The following SLC14A2 variants were observed in gnomAD, a reference collection of about 807,000 sequenced individuals.
The protein encoded by SLC14A2 is solute carrier family 14 member 2.
A neutral mutation model predicts 104.6 loss-of-function variants in SLC14A2; 91 were observed. The ratio of observed to expected loss-of-function variants is 0.87; its 90% CI spans 0.73 to 1.04. The LOEUF is 1.04. Among genes scored for constraint, SLC14A2 ranks in the 50% least tolerant of loss-of-function variants. SLC14A2 has a pLI of 0.00. For synonymous variants in SLC14A2, 476 were observed against 466.4 expected (o/e 1.02, Z -0.27); for missense variants, 1,189 against 1,156.0 (o/e 1.03, Z -0.41).
intron 1 of SLC14A2, among the ~76,000 whole-genome samples, chr18:45,369,192 C>T (rs773063850): frequency 1.1e-4 from 16 of 152,154 alleles, no homozygotes; most frequent in Non-Finnish European, 1.6e-4. Context: ...AAGGAAATTC[C>T]GCTTGATTCC....
chr18:45,219,921 C>T (rs1356217308), intron 1 of SLC14A2, among the ~76,000 whole-genome samples: 1 of 152,120 alleles, frequency 6.6e-6, no homozygotes, highest in Admixed American at 6.5e-5. Flanking sequence ...AAATAGACCA[C>T]GAAGTTATTT....
intron 1 of SLC14A2, among the ~76,000 whole-genome samples, chr18:45,391,003 T>A (rs955309321): frequency 2.6e-5 from 4 of 152,344 alleles, no homozygotes; most frequent in African/African-American, 2.4e-5. Flanking sequence ...GATGTATACA[T>A]GTGCCATGTT....
chr18:45,198,994 A>T, the SLC14A2 span, among the ~76,000 whole-genome samples: 8 of 152,146 alleles, frequency 5.3e-5, no homozygotes, highest in Non-Finnish European at 1.0e-4. Context: ...ATTATACCCT[A>T]CAGTAGTTTT....
At chr18:45,302,004 C>G (rs1284794890) in intron 1 of SLC14A2, among the ~76,000 whole-genome samples, 1 of 152,202 alleles carries the variant, frequency 6.6e-6, no homozygotes, top group African/African-American at 2.4e-5. Context: ...TGAAGTCTCA[C>G]TCCCTCTGTT....
intron 1 of SLC14A2, among the ~76,000 whole-genome samples, chr18:45,272,650 G>A (rs1057510335): frequency 5.3e-5 from 8 of 151,750 alleles, no homozygotes; most frequent in Non-Finnish European, 5.9e-5. Context: ...ATGGTTAATG[G>A]GTACAAAAAA....
intron 10 of SLC14A2, among the ~76,000 whole-genome samples, chr18:45,651,348 G>A (rs752365717): frequency 6.6e-6 from 1 of 152,146 alleles, no homozygotes; most frequent in Non-Finnish European, 1.5e-5. Flanking sequence ...ATCTCACAGG[G>A]GATGATGAAG....
intron 2 of SLC14A2, among the ~76,000 whole-genome samples, chr18:45,543,951 G>C (rs2043928675): frequency 6.6e-6 from 1 of 152,200 alleles, no homozygotes; most frequent in African/African-American, 2.4e-5. Flanking sequence ...AAGTAAAAAT[G>C]CTGGGCACTG....
intron 1 of SLC14A2, among the ~76,000 whole-genome samples, chr18:45,303,751 T>C (rs914485679): frequency 6.6e-6 from 1 of 152,248 alleles, no homozygotes; most frequent in African/African-American, 2.4e-5. Flanking sequence ...GCTACTTTTG[T>C]AAATGTGTCT....
intron 1 of SLC14A2, among the ~76,000 whole-genome samples, chr18:45,402,905 C>A (rs140363307): frequency 9.3e-4 from 141 of 152,358 alleles, no homozygotes; most frequent in African/African-American, 3.4e-3. Flanking sequence ...TGCCTGTGCA[C>A]ACTACTAGGA....
chr18:45,228,943 G>A (rs775089168), intron 1 of SLC14A2, among the ~76,000 whole-genome samples: 13 of 152,052 alleles, frequency 8.5e-5, no homozygotes, highest in South Asian at 2.1e-4. Context: ...ACATTGGCCC[G>A]GTTCCACCTC....
At chr18:45,374,103 C>T (rs909486606) in intron 1 of SLC14A2, among the ~76,000 whole-genome samples, 1 of 152,180 alleles carries the variant, frequency 6.6e-6, no homozygotes, top group African/African-American at 2.4e-5. Context: ...CCTCTCCTCA[C>T]CTTCCTACCC....
At chr18:45,173,369 G>A in the SLC14A2 span, among the ~76,000 whole-genome samples, 1 of 152,004 alleles carries the variant, frequency 6.6e-6, no homozygotes, top group Non-Finnish European at 1.5e-5. Flanking sequence ...GCTCAAGTAT[G>A]GAAATTCAGT....
chr18:45,388,881 G>A (rs944884300), intron 1 of SLC14A2, among the ~76,000 whole-genome samples: 3 of 152,140 alleles, frequency 2.0e-5, no homozygotes, highest in African/African-American at 4.8e-5. Context: ...AATGTGGATT[G>A]GCTTCTTCAA....
chr18:45,414,744 T>TAA (rs531366886), intron 1 of SLC14A2, among the ~76,000 whole-genome samples: 893 of 52,226 alleles, frequency 0.017, 59 homozygotes, highest in East Asian at 0.037. Flanking sequence ...GCACCGAGCG[T>TAA]AAAAAAAAAA....
chr18:45,533,963 A>G lies in SLC14A2; in HGVS notation c.-35+50641A>G, dbSNP rs566265504. ...CAAACATTCCAGGCCCAAGAACCCA[A>G]ATCACGAAGAATGTAGAAAGAAGAA... On this transcript the variant is annotated intron_variant, in intron 2 of 20. Transcript: ENST00000586448. Among the ~76,000 whole-genome samples the G allele has an allele frequency of 2.6e-5, 4 of 152,276 alleles. No homozygotes were observed. In the South Asian group the frequency reaches 8.3e-4, roughly 32 times the overall value.
At chr18:45,257,440 T>G (rs2084491002) in intron 1 of SLC14A2, among the ~76,000 whole-genome samples, 1 of 152,240 alleles carries the variant, frequency 6.6e-6, no homozygotes, top group Admixed American at 6.5e-5. Flanking sequence ...GTATGCTAAT[T>G]CTTAAGTTCT....
At position 45,377,073 on chromosome 18, in the gene SLC14A2, C is replaced by T. The variant is rs181745809; in HGVS notation, c.-124-106160C>T. On this transcript the variant is annotated intron_variant, in intron 1 of 20. Transcript: ENST00000586448. ...ACCCATTGCCATCTGACTGCCTCTT[C>T]CACTATGCCCTGATGCTACTTTCTA... 2.5e-3 allele frequency among the ~76,000 whole-genome samples: 379 copies of T among 152,222 alleles called. 1 individual carries two copies. Among genetic ancestry groups the T allele is most frequent in the African/African-American group, 8.7e-3 (362 of 41,520 alleles).
intron 1 of SLC14A2, among the ~76,000 whole-genome samples, chr18:45,224,149 C>T (rs976439546): frequency 6.6e-6 from 1 of 152,168 alleles, no homozygotes; most frequent in African/African-American, 2.4e-5. Flanking sequence ...TCTTGAAGTG[C>T]GAGGGAGACC....
At chr18:45,677,259 G>C (rs371613986) in intron 18 of SLC14A2, among the ~76,000 whole-genome samples, 3 of 152,362 alleles carry the variant, frequency 2.0e-5, no homozygotes, top group African/African-American at 7.2e-5. Flanking sequence ...GGGGAAGAGG[G>C]AGACAGAATG....
Sources: allele counts gnomAD v4.1 joint callset (sites outside exome capture counted in the v4.1 genomes callset), GRCh38; gene constraint gnomAD v4.1.1; transcripts MANE v1.5; gene names NCBI Gene and HGNC (gene_info 2026-07-23, HGNC 2026-07-21).